Variants in MCF2L observed in about 807,000 individuals in gnomAD.
MCF2L encodes the protein guanine nucleotide exchange factor DBS.
MCF2L carries 97 observed loss-of-function variants against 153.4 expected under a neutral mutation model. That is an observed-to-expected ratio of 0.63 (90% CI 0.54 to 0.75). The LOEUF (loss-of-function observed/expected upper bound fraction) is 0.75. MCF2L is among the 30% of genes least tolerant of loss of function. The pLI, the probability that MCF2L is intolerant of heterozygous loss-of-function variation, is 0.00. For synonymous variants in MCF2L, 659 were observed against 632.2 expected (o/e 1.04, Z -0.64); for missense variants, 1,347 against 1,495.2 (o/e 0.90, Z 1.64).
chr13:112,964,975 G>T (rs2081875011), upstream of MCF2L: 1 of 152,172 alleles, frequency 6.6e-6, no homozygotes, highest in African/African-American at 2.4e-5. Context: ...AACTTTAGAT[G>T]ACAGAGTCCA....
intron 1 of MCF2L, among the ~76,000 whole-genome samples, chr13:113,013,528 C>A (rs979994492): frequency 2.6e-5 from 4 of 152,208 alleles, no homozygotes; most frequent in African/African-American, 4.8e-5. Context: ...TGTTTGTCTG[C>A]AAGACTGGAA....
chr13:112,981,895 G>T (rs1380884266), intron 1 of MCF2L, among the ~76,000 whole-genome samples: 3 of 152,256 alleles, frequency 2.0e-5, no homozygotes, highest in Non-Finnish European at 4.4e-5. Context: ...GCACCCCGCA[G>T]GTTTTCTTCC....
In MCF2L at chr13:113,095,000, G is replaced by A. The variant is rs73578929; in HGVS notation, c.3075+365G>A. The A allele has an allele frequency of 5.7e-3, 7,850 of 1,377,204 alleles. 387 individuals are homozygous for A. In the African/African-American group the frequency reaches 0.1, roughly 18 times the overall value. The allele number at this position is 1,377,204 out of a possible 1,614,324, so 85.3% of individuals were successfully genotyped here. ...ACCCAGCCTCCTGTAGAGCCCACTC[G>A]TGGGTGCACCTTCCTCAGAGGAGAC... is the stretch of plus-strand genomic sequence containing the variant. On this transcript the variant is annotated intron_variant, in intron 27 of 29. Transcript: ENST00000535094.
intron 4 of MCF2L, among the ~76,000 whole-genome samples, chr13:113,060,054 A>G (rs774480529): frequency 2.4e-4 from 37 of 152,148 alleles, no homozygotes; most frequent in Non-Finnish European, 4.0e-4. Context: ...TTCCAAGGCT[A>G]TGGGGAGCGT....
chr13:112,914,307 C>T (rs2081267407), intron 2 of MCF2L, among the ~76,000 whole-genome samples: 1 of 152,192 alleles, frequency 6.6e-6, no homozygotes, highest in African/African-American at 2.4e-5. Flanking sequence ...AGCGTCTGCA[C>T]GCTTCTCCCC....
chr13:112,912,103 C>T (rs1268997672), intron 2 of MCF2L, among the ~76,000 whole-genome samples: 4 of 152,146 alleles, frequency 2.6e-5, no homozygotes, highest in African/African-American at 4.8e-5. Context: ...TTCCCATCCC[C>T]GGGCCCAGCA....
chr13:112,897,804 C>T (rs1405887765), intron 1 of MCF2L, among the ~76,000 whole-genome samples: 1 of 152,220 alleles, frequency 6.6e-6, no homozygotes, highest in East Asian at 1.9e-4. Context: ...TAGAGTGAGG[C>T]AGAGACATGG....
In MCF2L at chr13:113,045,166, C is replaced by A; in HGVS notation, c.279-105C>A. 1 of 1,058,802 alleles carries A rather than the reference C, an allele frequency of 9.4e-7. No individual in the cohort carries two copies. Among genetic ancestry groups the A allele is most frequent in the Non-Finnish European group, 1.5e-6 (1 of 680,482 alleles). 65.6% of individuals were successfully genotyped at this position (1,058,802 alleles called of 1,614,324 possible). A position where few individuals can be genotyped will look rare whatever the true frequency, so the allele number is the denominator to read the frequency against. ...TCACCTGGTATTGCAGAAATGGCAT[C>A]ATGAATATGGGGGATCGCTCTCCCA... On this transcript the variant is annotated intron_variant, in intron 3 of 29. Coordinates refer to ENST00000535094, the MANE Select transcript of MCF2L (RefSeq NM_001112732.3). The surrounding 1 kb of genome is among the most constrained non-coding windows in gnomAD (Gnocchi z 4.2).
intron 2 of MCF2L, among the ~76,000 whole-genome samples, chr13:113,017,990 G>A (rs1295270088): frequency 2.0e-5 from 3 of 152,182 alleles, no homozygotes; most frequent in East Asian, 1.9e-4. Flanking sequence ...TGCGACGTTC[G>A]TGCCAGCCCT....
Position 113,074,399 on chromosome 13 carries a change from A to G in MCF2L, c.997-45A>G, listed in dbSNP as rs778633256. ...GCACTGGAGTGGGTTCTCTCTGTTC[A>G]GGTGAGGGAGACACCCCCCTGAGAT... On this transcript the variant is annotated intron_variant, in intron 9 of 29. Coordinates refer to ENST00000535094, the MANE Select transcript of MCF2L (RefSeq NM_001112732.3). The surrounding 1 kb of genome is among the most constrained non-coding windows in gnomAD (Gnocchi z 4.2). 1.5e-5 allele frequency: 24 copies of G among 1,595,314 alleles called. No homozygotes were observed. The South Asian group carries it at 2.5e-4, about 17-fold the overall frequency.
Position 113,085,002 on chromosome 13 carries a change from C to T in MCF2L, c.2154+18C>T, listed in dbSNP as rs200840904. The T allele has an allele frequency of 1.1e-5, 18 of 1,613,308 alleles. No individual in the cohort carries two copies. In the East Asian group the frequency reaches 4.0e-4, roughly 36 times the overall value. On this transcript the variant is annotated intron_variant, in intron 19 of 29. Coordinates refer to ENST00000535094, the MANE Select transcript of MCF2L (RefSeq NM_001112732.3). ...TTTTCCAGGTTTGTCCCCGGACCTT[C>T]CTTTAGAACGTTACTCCCTTTCCTA...
rs770249374 is a variant in MCF2L at position 113,031,024 on chromosome 13, AAGAGAGAC to A, written c.278+6280_278+6287del. ...CTGTGGGAAAACAATGTGAGAAAGAAAGAGAGACAGAGAGACAGAGACAGACAGATACA... is the reference window on the plus strand; with the variant it reads ...CTGTGGGAAAACAATGTGAGAAAGAAAGAGAGACAGAGACAGACAGATACA... On this transcript the variant is annotated intron_variant, in intron 3 of 29. Coordinates refer to ENST00000535094, the MANE Select transcript of MCF2L (RefSeq NM_001112732.3). The surrounding 1 kb of genome is among the most constrained non-coding windows in gnomAD (Gnocchi z 5.5). 8.6e-5 allele frequency among the ~76,000 whole-genome samples: 13 copies of A among 151,460 alleles called. No individual in the cohort carries two copies. Among genetic ancestry groups the A allele is most frequent in the Admixed American group, 3.9e-4 (6 of 15,228 alleles).
Position 112,960,412 on chromosome 13 carries a change from C to G in MCF2L, c.170-54351C>G, listed in dbSNP as rs2081810812. On this transcript the variant is annotated intron_variant, in intron 2 of 29. Coordinates refer to the MCF2L transcript ENST00000375608. This position sits in a 1 kb window ranked among gnomAD's most constrained non-coding sequence, Gnocchi z 4.2. ...CGGCGGCATTGGGGGTGAGGTTTCC[C>G]ACACACGACCTTTGGGGGACACATT... Among the ~76,000 whole-genome samples the G allele has an allele frequency of 6.6e-6, 1 of 152,180 alleles. No homozygotes were observed. The highest frequency in any genetic ancestry group is 1.5e-5 in the Non-Finnish European group (1 of 68,036).
At chr13:113,090,459 C>T (rs568427363) in intron 26 of MCF2L, 154 of 984,128 alleles carry the variant, frequency 1.6e-4, no homozygotes, top group Middle Eastern at 1.0e-3. Context: ...CGCCTTCTCC[C>T]GCCTTCTCAG....
intron 2 of MCF2L, among the ~76,000 whole-genome samples, chr13:112,963,785 G>T (rs1342749456): frequency 6.6e-6 from 1 of 152,324 alleles, no homozygotes; most frequent in East Asian, 1.9e-4. Context: ...GGAAGACAGG[G>T]AGAGATACAG....
chr13:113,083,879 G>A (rs2034387648), intron 17 of MCF2L, 119 bp from the exon 18 acceptor site: 7 of 775,072 alleles, frequency 9.0e-6, no homozygotes, highest in Middle Eastern at 2.4e-4. Flanking sequence ...CAAGTCATGC[G>A]GGGCAGATTG....
At chr13:113,076,958 G>A (rs1379950979) in intron 12 of MCF2L, 94 bp from the exon 13 acceptor site, 46 of 1,362,274 alleles carry the variant, frequency 3.4e-5, no homozygotes, top group Non-Finnish European at 4.6e-5. Flanking sequence ...TAAAGCGGGG[G>A]TTGGGCGTGC....
At chr13:112,906,891 C>G (rs1193807310) in intron 2 of MCF2L, among the ~76,000 whole-genome samples, 1 of 152,180 alleles carries the variant, frequency 6.6e-6, no homozygotes, top group Non-Finnish European at 1.5e-5. Flanking sequence ...TGATTTTCGT[C>G]CCAGCAAACC....
At chr13:113,014,734 G>C in intron 1 of MCF2L, 29 bp from the exon 2 acceptor site, 1 of 1,603,626 alleles carries the variant, frequency 6.2e-7, no homozygotes, top group Non-Finnish European at 8.5e-7. Context: ...TCCTGGGACT[G>C]ACACGTGCCG....
Sources: gnomAD v4.1 joint callset for allele counts (sites outside exome capture counted in the v4.1 genomes callset) on GRCh38, gnomAD v4.1.1 for gene constraint, Gnocchi (gnomAD v3.1) non-coding constraint, MANE v1.5 for transcripts, NCBI Gene and HGNC (gene_info 2026-07-23, HGNC 2026-07-21) for gene names.